MAP7D3: variants seen among roughly 807,000 people sequenced by gnomAD.
The protein encoded by MAP7D3 is MAP7 domain containing 3, also known as MAP7 domain-containing protein 3.
Under a neutral mutation model 62.2 loss-of-function variants are expected in MAP7D3, and 45 were observed. The observed-to-expected ratio is 0.72, with a 90% CI of 0.57 to 0.93. MAP7D3 has a LOEUF of 0.93. Ranked by LOEUF, MAP7D3 falls within the 40% of genes least tolerant of loss-of-function variation. MAP7D3 has a pLI of 0.00. For missense variants in MAP7D3, 711 were observed against 683.1 expected, an observed-to-expected ratio of 1.04 and a Z score of -0.45; for synonymous variants, 288 against 248.8, an observed-to-expected ratio of 1.16 and a Z score of -1.48.
In MAP7D3 at chrX:136,231,931, G is replaced by A. The variant is rs377222097; in HGVS notation, c.1026C>T (p.Ser342=). The A allele has an allele frequency of 3.3e-6, 4 of 1,211,024 alleles. No individual in the cohort carries two copies. Among genetic ancestry groups the A allele is most frequent in the Admixed American group, 4.3e-5 (2 of 45,996 alleles). Residue 342 remains serine (S), a synonymous_variant, in exon 8 of 19, where the codon AGC becomes AGT. Transcript: ENST00000316077. ...EVSTDSFPVV[S]VDVSPVVSTY... ...TGCTCACCACAGGCGACACGTCCAC[G>A]CTCACCACAGGGAATGAGTCCGTGC...
intron 13 of MAP7D3, 77 bp downstream of exon 13, chrX:136,225,832 T>C: frequency 1.5e-6 from 1 of 655,456 alleles, no homozygotes; most frequent in Non-Finnish European, 2.4e-6. Flanking sequence ...TTTGTGATTT[T>C]TAAAAACATG....
intron 14 of MAP7D3, 65 bp from the exon 15 acceptor site, chrX:136,222,551 C>T (rs1255106529): frequency 1.4e-5 from 13 of 909,993 alleles, no homozygotes; most frequent in African/African-American, 7.8e-5. Context: ...AGAATTTCAA[C>T]AAAGTCTGAC....
upstream of MAP7D3, among the ~76,000 whole-genome samples, chrX:136,254,749 C>A (rs1460126287): frequency 8.9e-6 from 1 of 111,753 alleles, no homozygotes; most frequent in South Asian, 3.8e-4. Flanking sequence ...CGAGTAACCA[C>A]GTCTTAATTC....
rs1236441445 is a variant in MAP7D3, at chrX:136,244,767, T to C, written c.282A>G (p.Lys94=). 5 of 1,198,156 alleles carry C rather than the reference T, an allele frequency of 4.2e-6. No homozygotes were observed. The Admixed American group carries it at 8.9e-5, about 21-fold the overall frequency. ...CATATTGGAGCTTGGTCTTTCTTTC[T>C]TTTTCAAGTAGTTGTGTTTCTTTAT... The part of the protein sequence containing the change: ...DANKETQLLE[K]ERKTKLQYEK... The change falls in exon 4 of 19, where the codon AAA becomes AAG. Residue 94 remains lysine (K), a synonymous_variant. Transcript: ENST00000316077.
chrX:136,229,987 A>T (rs1291120364), intron 10 of MAP7D3, among the ~76,000 whole-genome samples: 3 of 57,812 alleles, frequency 5.2e-5, no homozygotes, highest in Admixed American at 2.3e-4. Context: ...ATATATATAT[A>T]TATATATTTT....
intron 6 of MAP7D3, 130 bp downstream of exon 6, chrX:136,240,252 G>A: frequency 2.3e-6 from 1 of 438,346 alleles, no homozygotes; most frequent in Non-Finnish European, 4.0e-6. Flanking sequence ...TCCCTCTGCT[G>A]TAAAATAACA....
At chrX:136,223,253 T>C (rs746415463) in intron 14 of MAP7D3, among the ~76,000 whole-genome samples, 14 of 111,423 alleles carry the variant, frequency 1.3e-4, no homozygotes, top group Non-Finnish European at 2.6e-4. Flanking sequence ...TGTCATTTAA[T>C]GCAAATGACC....
chrX:136,216,359 T>TAAAAAAAAA (rs58245551), downstream of MAP7D3, among the ~76,000 whole-genome samples: 128 of 24,624 alleles, frequency 5.2e-3, no homozygotes, highest in East Asian at 6.6e-3. Context: ...ACCCTATCTC[T>TAAAAAAAAA]AAAAAAAAAA....
chrX:136,244,653 G>C lies in MAP7D3; in HGVS notation c.396C>G (p.His132Gln), dbSNP rs964957134. 7 of 1,207,590 alleles carry C rather than the reference G, an allele frequency of 5.8e-6. No homozygotes were observed. The African/African-American group carries it at 1.2e-4, about 21-fold the overall frequency. ...GTACCTTTTGTGCTTCATCCTTCTGGTGTCTTTTTTCTTCTGCAGCTATTC... is the reference window on the plus strand; with the variant it reads ...GTACCTTTTGTGCTTCATCCTTCTGCTGTCTTTTTTCTTCTGCAGCTATTC... ...QRRIAAEEKR[H>Q]QKDEAQKEKF... Residue 132 changes from histidine to glutamine, a missense_variant, in exon 4 of 19, where the codon CAC (histidine) becomes CAG (glutamine). By Grantham distance (24) the His-to-Gln change is conservative (BLOSUM62 0). Coordinates refer to ENST00000316077, the MANE Select transcript of MAP7D3 (RefSeq NM_024597.4).
In MAP7D3 at chrX:136,220,968, GA is replaced by G. The variant is rs754218591; in HGVS notation, c.2288-6del. On this transcript the variant is annotated splice_region_variant and splice_polypyrimidine_tract_variant and intron_variant, in intron 15 of 18. Transcript: ENST00000316077. ...AGCCTGTGCCATTTAGAATGGCTAGGAAAAAAAATTACACAATTAAATATGG... is the reference window on the plus strand; with the variant it reads ...AGCCTGTGCCATTTAGAATGGCTAGGAAAAAAATTACACAATTAAATATGG... 2.5e-5 allele frequency: 29 copies of G among 1,148,169 alleles called. No homozygotes were observed. The highest frequency in any genetic ancestry group is 3.7e-5 in the South Asian group (2 of 54,040). The allele number at this position is 1,148,169 out of a possible 1,213,427, so 94.6% of individuals were successfully genotyped here.
intron 14 of MAP7D3, among the ~76,000 whole-genome samples, chrX:136,223,206 C>T (rs925395761): frequency 3.6e-5 from 4 of 110,930 alleles, no homozygotes; most frequent in Non-Finnish European, 7.5e-5. Flanking sequence ...TGACTCCCAG[C>T]GCTTTTTGAA....
In MAP7D3 at chrX:136,244,600, T is replaced by A. The variant is rs755830649; in HGVS notation, c.417+32A>T. ...TTCTAGACTCAGGCAACACAGTTTA[T>A]CCTCTCATGCACAGGCTGCAAAATT... is the stretch of plus-strand genomic sequence containing the variant. On this transcript the variant is annotated intron_variant, in intron 4 of 18. Coordinates refer to ENST00000316077, the MANE Select transcript of MAP7D3 (RefSeq NM_024597.4). The A allele has an allele frequency of 2.6e-5, 31 of 1,174,169 alleles. 1 individual carries two copies. The Admixed American group carries it at 6.8e-4, about 26-fold the overall frequency.
rs929181017 is a variant in MAP7D3 at position 136,220,947 on chromosome X, T to G, written c.2304A>C (p.Thr768=). Residue 768 remains threonine, a synonymous_variant, in exon 16 of 19, where the codon ACA becomes ACC. Transcript: ENST00000316077. The part of the protein sequence containing the change: ...EMFPSAILNG[T]GSPTKFKMPF... ...GCATTTTAAATTTGGTAGGTGAGCC[T>G]GTGCCATTTAGAATGGCTAGGAAAA... 2 of 1,196,184 alleles carry G rather than the reference T, an allele frequency of 1.7e-6. No homozygotes were observed. The highest frequency in any genetic ancestry group is 3.5e-5 in the African/African-American group (2 of 56,917).
At chrX:136,251,572 C>T (rs958911062), upstream of MAP7D3, 33 of 819,684 alleles carry the variant, frequency 4.0e-5, no homozygotes, top group Admixed American at 2.2e-4. Context: ...GCAGCGACTA[C>T]CTGGTCTAAA....
downstream of MAP7D3, chrX:136,213,924 GGTC>G (rs2074045896): frequency 8.9e-6 from 1 of 112,162 alleles, no homozygotes; most frequent in Non-Finnish European, 1.9e-5. Flanking sequence ...GATCACCTGA[GGTC>G]AGGAGTTCGA....
chrX:136,246,252 A>G lies in MAP7D3; in HGVS notation c.160T>C (p.Phe54Leu). 3 of 1,190,647 alleles carry G rather than the reference A, an allele frequency of 2.5e-6. No individual in the cohort carries two copies. ...ATHSSNIRST[F>L]KPVIDGSMLK... is the part of the protein sequence containing the mutation. Reference sequence around the variant, plus strand: ...ATCAGAGAAATTATACCTGGTTTAAATGTCGATCTTATATTTGAGGAATGG... The same window carrying G: ...ATCAGAGAAATTATACCTGGTTTAAGTGTCGATCTTATATTTGAGGAATGG... The change falls in exon 2 of 19, where the codon TTT becomes CTT. Residue 54 changes from phenylalanine (F) to leucine (L), a missense_variant. Transcript: ENST00000316077.
downstream of MAP7D3, chrX:136,214,418 A>G (rs2074048863): frequency 8.9e-6 from 1 of 111,928 alleles, no homozygotes; most frequent in Non-Finnish European, 1.9e-5. Context: ...GTCCGCCTCC[A>G]CGCTCTGGCT....
chrX:136,225,776 G>A, intron 13 of MAP7D3, 133 bp downstream of exon 13: 1 of 446,215 alleles, frequency 2.2e-6, no homozygotes. Flanking sequence ...CTTGGATAAG[G>A]AAGAGAATCG....
Position 136,218,320 on chromosome X carries a change from A to T in MAP7D3, c.*206T>A, listed in dbSNP as rs2074083742. The T allele has an allele frequency of 8.9e-6, 1 of 111,899 alleles. No individual in the cohort carries two copies. The highest frequency in any genetic ancestry group is 3.7e-4 in the South Asian group (1 of 2,690). The allele number at this position is 111,899 out of a possible 1,213,427, so 9.2% of individuals were successfully genotyped here. On this transcript the variant is annotated 3_prime_UTR_variant, in exon 19 of 19. Coordinates refer to ENST00000316077, the MANE Select transcript of MAP7D3 (RefSeq NM_024597.4). ...CACAAGAGAATAAGATGACTTTAAC[A>T]TCTGAGATATACATCAAAGTGGCCT...
Sources: allele counts gnomAD v4.1 joint callset (sites outside exome capture counted in the v4.1 genomes callset), GRCh38; gene constraint gnomAD v4.1.1; transcripts MANE v1.5; gene names NCBI Gene and HGNC (gene_info 2026-07-23, HGNC 2026-07-21).